BNC2: variants seen among roughly 807,000 people sequenced by gnomAD.
BNC2 encodes basonuclin zinc finger protein 2.
BNC2 carries 20 observed loss-of-function variants against 76.3 expected under a neutral mutation model. The observed-to-expected ratio is 0.26, with a 90% confidence interval of 0.18 to 0.38. The LOEUF is 0.38. Among genes scored for constraint, BNC2 ranks in the 10% least tolerant of loss-of-function variants. BNC2 has a pLI of 1.00. For missense variants in BNC2, 1,382 were observed against 1,399.8 expected, an observed-to-expected ratio of 0.99 and a Z score of 0.20; for synonymous variants, 582 against 514.8, an observed-to-expected ratio of 1.13 and a Z score of -1.77.
intron 5 of BNC2, among the ~76,000 whole-genome samples, chr9:16,490,174 G>A (rs1187461004): frequency 6.6e-6 from 1 of 152,156 alleles, no homozygotes; most frequent in African/African-American, 2.4e-5. Context: ...ACCAGAGACT[G>A]TGAAGAAAAA....
intron 3 of BNC2, chr9:16,685,759 T>TA: frequency 2.3e-6 from 1 of 432,718 alleles, no homozygotes; most frequent in South Asian, 1.7e-5. Context: ...GCTTGACATG[T>TA]ATGTGACACT....
chr9:16,453,331 C>T lies in BNC2; in HGVS notation c.670-15807G>A, dbSNP rs112337620. On this transcript the variant is annotated intron_variant, in intron 5 of 6. Coordinates refer to ENST00000380672, the MANE Select transcript of BNC2 (RefSeq NM_017637.6). Reference sequence around the variant, plus strand: ...ATTCAAAGAAGCAGTTTGAGTTGAGCCCTCCACTGAGATGCTCTTCACAGA... The same window carrying T: ...ATTCAAAGAAGCAGTTTGAGTTGAGTCCTCCACTGAGATGCTCTTCACAGA... Among the ~76,000 whole-genome samples, 774 of 152,216 alleles carry T rather than the reference C, an allele frequency of 5.1e-3. 5 individuals are homozygous for T. Among genetic ancestry groups the T allele is most frequent in the African/African-American group, 0.018 (732 of 41,530 alleles).
intron 5 of BNC2, among the ~76,000 whole-genome samples, chr9:16,546,847 A>T (rs1163188899): frequency 1.3e-5 from 2 of 152,240 alleles, no homozygotes; most frequent in East Asian, 3.8e-4. Context: ...TTAAAAACAA[A>T]AAACAAACAT....
At chr9:16,465,225 C>T (rs1821678585) in intron 5 of BNC2, among the ~76,000 whole-genome samples, 2 of 152,098 alleles carry the variant, frequency 1.3e-5, no homozygotes, top group African/African-American at 2.4e-5. Context: ...GATCTGAGGT[C>T]GGCAGTTCAA....
intron 3 of BNC2, among the ~76,000 whole-genome samples, chr9:16,590,591 C>T (rs1486482178): frequency 6.6e-6 from 1 of 151,992 alleles, no homozygotes; most frequent in African/African-American, 2.4e-5. Context: ...GAGGAGAGCA[C>T]ATAGCTTGAG....
intron 5 of BNC2, among the ~76,000 whole-genome samples, chr9:16,538,994 T>C (rs142381137): frequency 6.6e-6 from 1 of 152,258 alleles, no homozygotes; most frequent in East Asian, 1.9e-4. Context: ...AACTGAAAGC[T>C]GTAACAGAGG....
intron 1 of BNC2, among the ~76,000 whole-genome samples, chr9:16,801,782 GTAAGT>G (rs1186147236): frequency 6.7e-6 from 1 of 149,782 alleles, no homozygotes; most frequent in Non-Finnish European, 1.5e-5. Flanking sequence ...CCTCTCAACT[GTAAGT>G]TAATTAATTG....
At chr9:16,623,676 T>C (rs1317506095) in intron 3 of BNC2, among the ~76,000 whole-genome samples, 1 of 152,208 alleles carries the variant, frequency 6.6e-6, no homozygotes, top group Non-Finnish European at 1.5e-5. Context: ...GCATAACAGA[T>C]AAACACTGAA....
At chr9:16,767,144 T>C (rs1002197793) in intron 1 of BNC2, among the ~76,000 whole-genome samples, 1 of 152,204 alleles carries the variant, frequency 6.6e-6, no homozygotes, top group Non-Finnish European at 1.5e-5. Context: ...GGATGAAATG[T>C]ACAGCCAACG....
At chr9:16,792,829 G>A (rs907043663) in intron 1 of BNC2, among the ~76,000 whole-genome samples, 1 of 152,204 alleles carries the variant, frequency 6.6e-6, no homozygotes, top group Non-Finnish European at 1.5e-5. Context: ...GTTTGCTGAG[G>A]TCTGATTTCA....
At chr9:16,707,497 G>A (rs1823714512) in intron 3 of BNC2, among the ~76,000 whole-genome samples, 1 of 152,108 alleles carries the variant, frequency 6.6e-6, no homozygotes, top group South Asian at 2.1e-4. Context: ...TATGAAAAGA[G>A]GTCTGTGAAG....
At chr9:16,856,945 GTTAC>G (rs946958840) in intron 1 of BNC2, among the ~76,000 whole-genome samples, 4 of 152,086 alleles carry the variant, frequency 2.6e-5, no homozygotes, top group African/African-American at 7.2e-5. Flanking sequence ...TATTGTTTCA[GTTAC>G]TTACATTCTT....
intron 1 of BNC2, among the ~76,000 whole-genome samples, chr9:16,800,649 T>C (rs1817758941): frequency 6.6e-6 from 1 of 152,130 alleles, no homozygotes; most frequent in African/African-American, 2.4e-5. Flanking sequence ...GTACTACTTA[T>C]CGCTAAGTAA....
Position 16,810,843 on chromosome 9 carries a change from C to CT in BNC2, c.3+59802dup, listed in dbSNP as rs1274060048. Among the ~76,000 whole-genome samples the CT allele has an allele frequency of 3.3e-5, 5 of 152,186 alleles. No homozygotes were observed. In the South Asian group the frequency reaches 8.3e-4, roughly 25 times the overall value. On this transcript the variant is annotated intron_variant, in intron 1 of 6. Coordinates refer to ENST00000380672, the MANE Select transcript of BNC2 (RefSeq NM_017637.6). ...CCTCCAGTTGCTAGATCATCCTTCT[C>CT]TTTTTCAAGAGAAACCAGAACTCTG...
intron 3 of BNC2, among the ~76,000 whole-genome samples, chr9:16,708,168 T>C (rs1448374017): frequency 1.3e-5 from 2 of 152,196 alleles, no homozygotes; most frequent in African/African-American, 4.8e-5. Flanking sequence ...GAAATGTTAA[T>C]TTATTTTGGT....
intron 3 of BNC2, among the ~76,000 whole-genome samples, chr9:16,669,759 A>G (rs1338454430): frequency 6.6e-6 from 1 of 152,184 alleles, no homozygotes; most frequent in Non-Finnish European, 1.5e-5. Flanking sequence ...ATATTTCTTT[A>G]AACAGAAACA....
chr9:16,702,637 AC>A (rs34727675), intron 3 of BNC2, among the ~76,000 whole-genome samples: 90,890 of 151,844 alleles, frequency 0.6, 30,950 homozygotes, highest in Non-Finnish European at 0.79. Context: ...TTATTCCCCT[AC>A]CATCCTACAC....
Position 16,419,013 on chromosome 9 carries a change from G to A in BNC2, c.3276C>T (p.Asn1092=), listed in dbSNP as rs1333699094. The change falls in exon 7 of 7, where the codon AAC becomes AAT. Residue 1092 remains asparagine (N), a synonymous_variant. Coordinates refer to ENST00000380672, the MANE Select transcript of BNC2 (RefSeq NM_017637.6). ...ACTAATCTACTGAAGTGAAGGGAAT[G>A]TTTTTGTGGAGATTAGGGTTCTGAC... The part of the protein sequence containing the change: ...RHSQNPNLHK[N]IPFTSVD 1 of 1,614,152 alleles carries A rather than the reference G, an allele frequency of 6.2e-7. No homozygotes were observed. Among genetic ancestry groups the A allele is most frequent in the Non-Finnish European group, 8.5e-7 (1 of 1,180,014 alleles).
At chr9:16,743,902 C>T (rs1824922530) in intron 1 of BNC2, among the ~76,000 whole-genome samples, 2 of 152,172 alleles carry the variant, frequency 1.3e-5, no homozygotes, top group Non-Finnish European at 2.9e-5. Flanking sequence ...TTTGTTCACA[C>T]TATTCTCGGT....
Sources: gnomAD v4.1 joint callset for allele counts (sites outside exome capture counted in the v4.1 genomes callset) on GRCh38, gnomAD v4.1.1 for gene constraint, MANE v1.5 for transcripts, NCBI Gene and HGNC (gene_info 2026-07-23, HGNC 2026-07-21) for gene names.